FKBP10: variants seen among roughly 807,000 people sequenced by gnomAD.
The protein encoded by FKBP10 is peptidyl-prolyl cis-trans isomerase FKBP10.
In FKBP10, 34 loss-of-function variants were observed where a neutral mutation model predicts 53.7. The observed-to-expected ratio is 0.63, with a 90% CI of 0.48 to 0.84. FKBP10 has a LOEUF of 0.84. Among genes scored for constraint, FKBP10 ranks in the 40% least tolerant of loss-of-function variants. The pLI is 0.00. For synonymous variants in FKBP10, 324 were observed against 335.7 expected, an observed-to-expected ratio of 0.97 and a Z score of 0.38; for missense variants, 748 against 797.8, an observed-to-expected ratio of 0.94 and a Z score of 0.75.
chr17:41,815,479 T>G (rs2047803603), intron 1 of FKBP10, among the ~76,000 whole-genome samples: 1 of 149,874 alleles, frequency 6.7e-6, no homozygotes, highest in Non-Finnish European at 1.5e-5. Flanking sequence ...ACTTTTTTTT[T>G]TTTTGAGACA....
chr17:41,814,550 A>C (rs1244460523), intron 1 of FKBP10, among the ~76,000 whole-genome samples: 1 of 152,248 alleles, frequency 6.6e-6, no homozygotes, highest in African/African-American at 2.4e-5. Context: ...TTAAGCCTTC[A>C]TAACAACACT....
intron 1 of FKBP10, among the ~76,000 whole-genome samples, chr17:41,815,079 G>A (rs560304127): frequency 3.3e-5 from 5 of 151,866 alleles, no homozygotes; most frequent in African/African-American, 9.7e-5. Flanking sequence ...CACCACACCC[G>A]GCTAATTTTT....
intron 6 of FKBP10, 48 bp from the exon 7 acceptor site, chr17:41,820,221 C>T: frequency 6.3e-7 from 1 of 1,587,924 alleles, no homozygotes; most frequent in South Asian, 1.1e-5. Context: ...CCTCAAGTAG[C>T]CTCTCCTAGT....
In FKBP10 at chr17:41,822,357, G is replaced by A. The variant is rs1555617372; in HGVS notation, c.1698G>A (p.Glu566=). 2.5e-6 allele frequency: 4 copies of A among 1,613,038 alleles called. No individual in the cohort carries two copies. Among genetic ancestry groups the A allele is most frequent in the Non-Finnish European group, 3.4e-6 (4 of 1,179,518 alleles). The change falls in exon 10 of 10, where the codon GAG becomes GAA. Residue 566 remains glutamate, a synonymous_variant. Coordinates refer to ENST00000321562, the MANE Select transcript of FKBP10 (RefSeq NM_021939.4). The part of the protein sequence containing the change: ...RNQDGKITVD[E]LKLKSDEDEE... ...AGGACGGCAAGATCACAGTCGACGA[G>A]CTCAAGCTGAAGTCAGATGAGGACG...
chr17:41,819,654 G>A lies in FKBP10; in HGVS notation c.1042G>A (p.Ala348Thr), dbSNP rs1555616688. 7 of 1,607,570 alleles carry A rather than the reference G, an allele frequency of 4.4e-6. No homozygotes were observed. Among genetic ancestry groups the A allele is most frequent in the African/African-American group, 2.7e-5 (2 of 74,822 alleles). Residue 348 changes from alanine to threonine, a missense_variant, in exon 6 of 10, where the codon GCC becomes ACC. By Grantham distance (58) the Ala-to-Thr change is moderately conservative. Transcript: ENST00000321562. The stretch of plus-strand genomic sequence containing the variant: ...GAGAATTACCATCCCCCCGCACCTC[G>A]CCTATGGGGAGAATGGAACTGGTAG... ...RRRITIPPHL[A>T]YGENGTGDKI...
intron 3 of FKBP10, 42 bp downstream of exon 3, chr17:41,818,320 G>A: frequency 3.7e-6 from 6 of 1,614,076 alleles, no homozygotes; most frequent in Non-Finnish European, 4.2e-6. Flanking sequence ...GGGGACTGTG[G>A]CATGGGGAGC....
intron 1 of FKBP10, among the ~76,000 whole-genome samples, chr17:41,816,454 A>G (rs2047817643): frequency 6.6e-6 from 1 of 151,880 alleles, no homozygotes; most frequent in Admixed American, 6.6e-5. Context: ...ATTGTAGAAT[A>G]GGCCTTTTCA....
At position 41,822,271 on chromosome 17, in the gene FKBP10, A is replaced by G; in HGVS notation, c.1612A>G (p.Met538Val). 4 of 1,613,954 alleles carry G rather than the reference A, an allele frequency of 2.5e-6. No individual in the cohort carries two copies. The highest frequency in any genetic ancestry group is 3.4e-6 in the Non-Finnish European group (4 of 1,179,946). ...AQVSEGKGRL[M>V]PGQDPEKTIG... ...AGTGAGTGAGGGCAAAGGACGCCTC[A>G]TGCCTGGGCAGGACCCTGAGAAAAC... The change falls in exon 10 of 10, where the codon ATG becomes GTG. Residue 538 changes from methionine to valine, a missense_variant. Met to Val is a conservative substitution (Grantham distance 21). Transcript: ENST00000321562.
At chr17:41,821,277 C>T (rs1464193075) in intron 8 of FKBP10, among the ~76,000 whole-genome samples, 188 bp downstream of exon 8, 4 of 151,958 alleles carry the variant, frequency 2.6e-5, no homozygotes, top group Non-Finnish European at 5.9e-5. Flanking sequence ...CACCTGCCAC[C>T]GTGCCCAGCT....
At position 41,822,333 on chromosome 17, in the gene FKBP10, G is replaced by A. The variant is rs1555617360; in HGVS notation, c.1674G>A (p.Gln558=). 6.2e-7 allele frequency: 1 copy of A among 1,613,750 alleles called. No homozygotes were observed. The highest frequency in any genetic ancestry group is 8.5e-7 in the Non-Finnish European group (1 of 1,179,882). Residue 558 remains glutamine (Q), a synonymous_variant, in exon 10 of 10, where the codon CAG becomes CAA. Coordinates refer to ENST00000321562, the MANE Select transcript of FKBP10 (RefSeq NM_021939.4). ...GDMFQNQDRN[Q]DGKITVDELK... ...TGTTCCAGAACCAGGACCGCAACCA[G>A]GACGGCAAGATCACAGTCGACGAGC... is the stretch of plus-strand genomic sequence containing the variant.
At position 41,822,563 on chromosome 17, in the gene FKBP10, C is replaced by G. The variant is rs1215502105; in HGVS notation, c.*155C>G. ...GCAGAGGAGACATCTCTGGTGTTCCCACCACCCTAGATGAAAATCCACAGC... is the reference window on the plus strand; with the variant it reads ...GCAGAGGAGACATCTCTGGTGTTCCGACCACCCTAGATGAAAATCCACAGC... On this transcript the variant is annotated 3_prime_UTR_variant, in exon 10 of 10. Transcript: ENST00000321562. 5.6e-5 allele frequency: 45 copies of G among 798,200 alleles called. No individual in the cohort carries two copies. In the East Asian group the frequency reaches 1.2e-3, roughly 21 times the overall value. 49.4% of individuals were successfully genotyped at this position (798,200 alleles called of 1,614,324 possible).
rs1597909321 is a variant in FKBP10 at position 41,820,878 on chromosome 17, CAGAG to C, written c.1257-68_1257-65del. On this transcript the variant is annotated intron_variant, in intron 7 of 9. Coordinates refer to ENST00000321562, the MANE Select transcript of FKBP10 (RefSeq NM_021939.4). Reference sequence around the variant, plus strand: ...CTGAGGGCTTGTTCTGGGCCCACCTCAGAGGGAGAGGGGTGTGCGCTGGCAGGGG... The same window carrying C: ...CTGAGGGCTTGTTCTGGGCCCACCTCGGAGAGGGGTGTGCGCTGGCAGGGG... 22 of 1,574,054 alleles carry C rather than the reference CAGAG, an allele frequency of 1.4e-5. No individual in the cohort carries two copies. The East Asian group carries it at 4.2e-4, about 30-fold the overall frequency.
intron 1 of FKBP10, among the ~76,000 whole-genome samples, chr17:41,813,496 C>A (rs1214319714): frequency 6.6e-6 from 1 of 152,168 alleles, no homozygotes; most frequent in Non-Finnish European, 1.5e-5. Context: ...ACAAGCTCTC[C>A]ACATCCCGGA....
rs782580681 is a variant in FKBP10 at position 41,820,965 on chromosome 17, C to T, written c.1275C>T (p.Pro425=). The change falls in exon 8 of 10, where the codon CCC becomes CCT. Residue 425 remains proline, a synonymous_variant. Transcript: ENST00000321562. ...QLFTSHDYGA[P]QEATLGANKV... ...CCCCCAGGCATGACTACGGGGCCCC[C>T]CAGGAGGCGACTCTCGGGGCCAACA... The T allele has an allele frequency of 8.7e-6, 14 of 1,612,204 alleles. No homozygotes were observed. Among genetic ancestry groups the T allele is most frequent in the Non-Finnish European group, 1.2e-5 (14 of 1,179,520 alleles).
rs1481400612 is a variant in FKBP10, at chr17:41,818,600, C to T, written c.727+73C>T. ...AACCAGGCCTCCACATACAGTTGCT[C>T]AGGTTGTATACTGCACGAGGGCATC... On this transcript the variant is annotated intron_variant, in intron 4 of 9. Coordinates refer to ENST00000321562, the MANE Select transcript of FKBP10 (RefSeq NM_021939.4). 3.2e-6 allele frequency: 5 copies of T among 1,587,092 alleles called. No homozygotes were observed. In the African/African-American group the frequency reaches 5.4e-5, roughly 17 times the overall value.
In FKBP10 at chr17:41,820,311, A is replaced by T; in HGVS notation, c.1106A>T (p.His369Leu). ...TCTGCCGTGCTAATCTTCAACGTCC[A>T]TGTCATTGACTTCCACAACCCTGCG... is the stretch of plus-strand genomic sequence containing the variant. Reference protein sequence around the residue: ...PGSAVLIFNVHVIDFHNPADV... With the variant: ...PGSAVLIFNVLVIDFHNPADV... Residue 369 changes from histidine to leucine, a missense_variant, in exon 7 of 10, where the codon CAT becomes CTT. Coordinates refer to ENST00000321562, the MANE Select transcript of FKBP10 (RefSeq NM_021939.4). The T allele has an allele frequency of 6.2e-7, 1 of 1,614,156 alleles. No homozygotes were observed. The highest frequency in any genetic ancestry group is 1.1e-5 in the South Asian group (1 of 91,082).
intron 7 of FKBP10, 163 bp downstream of exon 7, chr17:41,820,624 CGAG>C: frequency 1.3e-6 from 1 of 776,150 alleles, no homozygotes; most frequent in Non-Finnish European, 2.1e-6. Context: ...CGGAGCATGT[CGAG>C]GAGATGAAAT....
rs185847343 is a variant in FKBP10, at chr17:41,816,935, A to G, written c.246-123A>G. On this transcript the variant is annotated intron_variant, in intron 1 of 9. Coordinates refer to ENST00000321562, the MANE Select transcript of FKBP10 (RefSeq NM_021939.4). The stretch of plus-strand genomic sequence containing the variant: ...AGGTGAGAAGTGTGTGTGCGTATCC[A>G]CACCTGGCTATAGGGAGGGGGGATT... 140 of 1,421,556 alleles carry G rather than the reference A, an allele frequency of 9.8e-5. No individual in the cohort carries two copies. The African/African-American group carries it at 1.7e-3, about 18-fold the overall frequency. The allele number at this position is 1,421,556 out of a possible 1,614,324, so 88.1% of individuals were successfully genotyped here.
chr17:41,819,641 C>A lies in FKBP10; in HGVS notation c.1029C>A (p.Ile343=), dbSNP rs782632205. ...TGGGGGAACGCCGGAGAATTACCAT[C>A]CCCCCGCACCTCGCCTATGGGGAGA... is the stretch of plus-strand genomic sequence containing the variant. ...ACMGERRRIT[I]PPHLAYGENG... Residue 343 remains isoleucine (I), a synonymous_variant, in exon 6 of 10, where the codon ATC becomes ATA. Transcript: ENST00000321562. 9.3e-6 allele frequency: 15 copies of A among 1,610,622 alleles called. No homozygotes were observed. The East Asian group carries it at 3.3e-4, about 36-fold the overall frequency.
Sources: gnomAD v4.1 joint callset for allele counts (sites outside exome capture counted in the v4.1 genomes callset) on GRCh38, gnomAD v4.1.1 for gene constraint, MANE v1.5 for transcripts, NCBI Gene and HGNC (gene_info 2026-07-23, HGNC 2026-07-21) for gene names.